Variants in SPTB observed in about 807,000 individuals in gnomAD.
The protein encoded by SPTB is spectrin beta chain, erythrocytic.
SPTB carries 45 observed loss-of-function variants against 256.2 expected under a neutral mutation model. That is an observed-to-expected ratio of 0.18 (90% CI 0.14 to 0.23). The LOEUF is 0.23. Ranked by LOEUF, SPTB falls within the 10% of genes least tolerant of loss-of-function variation. The pLI is 1.00. For missense variants in SPTB, 2,715 were observed against 3,040.4 expected (o/e 0.89, Z 2.52); for synonymous variants, 1,231 against 1,243.1 (o/e 0.99, Z 0.21).
At chr14:64,831,599 T>C (rs2083451830) in intron 1 of SPTB, among the ~76,000 whole-genome samples, 1 of 152,234 alleles carries the variant, frequency 6.6e-6, no homozygotes, top group Non-Finnish European at 1.5e-5. Context: ...GAGTGTGGAC[T>C]GGCCCAGCCA....
At chr14:64,834,438 T>C (rs1360360920) in intron 1 of SPTB, among the ~76,000 whole-genome samples, 1 of 151,838 alleles carries the variant, frequency 6.6e-6, no homozygotes, top group Non-Finnish European at 1.5e-5. Flanking sequence ...CTTTTTTTTT[T>C]TTTTTAGACA....
chr14:64,874,595 C>T (rs1377718086), intron 1 of SPTB, among the ~76,000 whole-genome samples: 1 of 152,210 alleles, frequency 6.6e-6, no homozygotes, highest in Non-Finnish European at 1.5e-5. Flanking sequence ...ATTGACCACT[C>T]CTAGGGTTCT....
rs1339698025 is a variant in SPTB, at chr14:64,785,352, A to G, written c.3855+185T>C. Among the ~76,000 whole-genome samples, 1 of 124,244 alleles carries G rather than the reference A, an allele frequency of 8.0e-6. No homozygotes were observed. Among genetic ancestry groups the G allele is most frequent in the Non-Finnish European group, 1.9e-5 (1 of 53,510 alleles). The allele number at this position is 124,244 out of a possible 152,430, so 81.5% of individuals were successfully genotyped here. A position where few individuals can be genotyped will look rare whatever the true frequency, so the allele number is the denominator to read the frequency against. ...GGTTAAGGATGACTTTTCAGATTTG[A>G]AAAAAAAAAAACAGTGCAACTGAAG... On this transcript the variant is annotated intron_variant, in intron 18 of 35. Coordinates refer to ENST00000644917, the MANE Select transcript of SPTB (RefSeq NM_001355436.2). The surrounding 1 kb of genome is among the most constrained non-coding windows in gnomAD (Gnocchi z 4.4).
At chr14:64,811,010 G>A (rs1015522697) in intron 2 of SPTB, among the ~76,000 whole-genome samples, 1 of 152,118 alleles carries the variant, frequency 6.6e-6, no homozygotes, top group Non-Finnish European at 1.5e-5. Flanking sequence ...TAGCTATTCA[G>A]GAGGCTGAGG....
intron 1 of SPTB, among the ~76,000 whole-genome samples, chr14:64,865,674 A>G (rs11628910): frequency 0.81 from 123,184 of 152,088 alleles, 51,363 homozygotes; most frequent in Non-Finnish European, 0.91. Flanking sequence ...TGGCTAGCCT[A>G]GATCCATGGA....
chr14:64,815,726 T>G (rs564997087), intron 2 of SPTB, among the ~76,000 whole-genome samples: 35 of 152,324 alleles, frequency 2.3e-4, no homozygotes, highest in Admixed American at 1.8e-3. Flanking sequence ...ATCAGTTCCC[T>G]TCCCCAAGCC....
chr14:64,861,735 G>A (rs894365909), intron 1 of SPTB, among the ~76,000 whole-genome samples: 2 of 152,096 alleles, frequency 1.3e-5, no homozygotes, highest in African/African-American at 4.8e-5. Flanking sequence ...CCTCGCCACG[G>A]CTTTCCTCTG....
Position 64,799,984 on chromosome 14 carries a change from C to T in SPTB, c.877-50G>A, listed in dbSNP as rs367545678. On this transcript the variant is annotated intron_variant, in intron 8 of 35. Transcript: ENST00000644917. ...TCTCATCAGAAGGGCAATGCCACCA[C>T]TGAGGATATCAATGAGGACCACAAT... is the stretch of plus-strand genomic sequence containing the variant. 3.1e-6 allele frequency: 5 copies of T among 1,600,334 alleles called. No individual in the cohort carries two copies. The African/African-American group carries it at 6.7e-5, about 21-fold the overall frequency.
intron 32 of SPTB, chr14:64,766,463 C>T (rs1379684389): frequency 7.0e-7 from 1 of 1,424,724 alleles, no homozygotes; most frequent in East Asian, 2.5e-5. Context: ...TTAGGTAAAA[C>T]AAAACTAATA....
rs1318342754 is a variant in SPTB, at chr14:64,775,293, G to A, written c.4674C>T (p.Arg1558=). ...AEIDCQDLEE[R]LGHLQSSWDR... is the part of the protein sequence containing the mutation. ...CCCAGGAGCTCTGCAGGTGCCCCAG[G>A]CGCTCCTCAAGGTCCTGGCAGTCGA... Residue 1558 remains arginine (R), a synonymous_variant, in exon 23 of 36, where the codon CGC becomes CGT. Transcript: ENST00000644917. This position sits in a 1 kb window ranked among gnomAD's most constrained non-coding sequence, Gnocchi z 5.0. The A allele has an allele frequency of 1.9e-6, 3 of 1,613,280 alleles. No individual in the cohort carries two copies. The highest frequency in any genetic ancestry group is 2.5e-6 in the Non-Finnish European group (3 of 1,179,776).
At chr14:64,850,212 C>T (rs1057254694) in intron 1 of SPTB, among the ~76,000 whole-genome samples, 1 of 152,178 alleles carries the variant, frequency 6.6e-6, no homozygotes, top group Non-Finnish European at 1.5e-5. Context: ...TACTAAGCAT[C>T]GGATGCCTTA....
At position 64,824,378 on chromosome 14, in the gene SPTB, AG is replaced by A. The variant is rs557521165; in HGVS notation, c.-51-1234del. On this transcript the variant is annotated intron_variant, in intron 1 of 35. Transcript: ENST00000644917. This position sits in a 1 kb window ranked among gnomAD's most constrained non-coding sequence, Gnocchi z 5.7. ...TTGAGAACTTTAAGAAGTAACGGGA[AG>A]GCAGGGGTGGAGTCAGGGGAGAAAA... Among the ~76,000 whole-genome samples the A allele has an allele frequency of 9.4e-4, 143 of 152,248 alleles. No individual in the cohort carries two copies. Among genetic ancestry groups the A allele is most frequent in the Admixed American group, 3.9e-3 (60 of 15,300 alleles).
intron 1 of SPTB, among the ~76,000 whole-genome samples, chr14:64,842,653 T>A (rs939320795): frequency 1.3e-5 from 2 of 152,256 alleles, no homozygotes; most frequent in Non-Finnish European, 2.9e-5. Flanking sequence ...TGAATCTGTG[T>A]GGTCTACAAA....
chr14:64,837,730 T>C (rs751495928), intron 1 of SPTB, among the ~76,000 whole-genome samples: 3 of 152,176 alleles, frequency 2.0e-5, no homozygotes, highest in Non-Finnish European at 4.4e-5. Context: ...GGCTCCCAAG[T>C]AGCAGAATTA....
At position 64,773,268 on chromosome 14, in the gene SPTB, C is replaced by T; in HGVS notation, c.5130G>A (p.Glu1710=). ...DDLEQWISEK[E]LVASSPEMGQ... ...CCATTTCCGGGGAAGAGGCCACTAG[C>T]TCCTTTTCTGAAATCCACTGCTCCA... Residue 1710 remains glutamate (E), a synonymous_variant, in exon 25 of 36, where the codon GAG becomes GAA. Coordinates refer to ENST00000644917, the MANE Select transcript of SPTB (RefSeq NM_001355436.2). The T allele has an allele frequency of 6.2e-7, 1 of 1,614,260 alleles. No homozygotes were observed.
rs375893423 is a variant in SPTB at position 64,772,825 on chromosome 14, C to T, written c.5308G>A (p.Glu1770Lys). The change falls in exon 26 of 36, where the codon GAG becomes AAG. Residue 1770 changes from glutamate to lysine, a missense_variant. Transcript: ENST00000644917. The surrounding 1 kb of genome is among the most constrained non-coding windows in gnomAD (Gnocchi z 5.4). ...ATCTCGTTCAGCCCGTCCTTCCACT[C>T]GGCGATGGTGGCCGCCTCGCTGTGG... ...AGHSEAATIA[E>K]WKDGLNEMWA... The T allele has an allele frequency of 5.0e-6, 8 of 1,613,852 alleles. No individual in the cohort carries two copies. The highest frequency in any genetic ancestry group is 1.1e-5 in the South Asian group (1 of 91,082).
intron 13 of SPTB, 69 bp downstream of exon 13, chr14:64,794,398 T>C (rs909277213): frequency 1.9e-6 from 3 of 1,587,400 alleles, no homozygotes; most frequent in Non-Finnish European, 1.7e-6. Flanking sequence ...TTATCCAAGT[T>C]GGGTTGTTAG....
rs772841996 is a variant in SPTB, at chr14:64,796,727, A to C, written c.1183-12T>G. 2.5e-6 allele frequency: 4 copies of C among 1,614,132 alleles called. No individual in the cohort carries two copies. Among genetic ancestry groups the C allele is most frequent in the Non-Finnish European group, 3.4e-6 (4 of 1,180,026 alleles). Reference sequence around the variant, plus strand: ...AGGCTTTCCCAGGCCTGCACAAAGGATGGAATGAGAATTCTTGGGGCACAG... The same window carrying C: ...AGGCTTTCCCAGGCCTGCACAAAGGCTGGAATGAGAATTCTTGGGGCACAG... On this transcript the variant is annotated splice_polypyrimidine_tract_variant and intron_variant, in intron 10 of 35. Transcript: ENST00000644917. The surrounding 1 kb of genome is among the most constrained non-coding windows in gnomAD (Gnocchi z 4.1).
Position 64,817,145 on chromosome 14 carries a change from A to G in SPTB, c.148+5802T>C, listed in dbSNP as rs1274066109. Reference sequence around the variant, plus strand: ...TTTTATCAAGAGTGGTAAGGGGACAATGGAAGGCATTATGTCCTGGGCAGG... The same window carrying G: ...TTTTATCAAGAGTGGTAAGGGGACAGTGGAAGGCATTATGTCCTGGGCAGG... On this transcript the variant is annotated intron_variant, in intron 2 of 35. Transcript: ENST00000644917. 1.3e-5 allele frequency among the ~76,000 whole-genome samples: 2 copies of G among 152,172 alleles called. 1 individual carries two copies. The highest frequency in any genetic ancestry group is 2.9e-5 in the Non-Finnish European group (2 of 68,034).
Sources: allele counts gnomAD v4.1 joint callset (sites outside exome capture counted in the v4.1 genomes callset), GRCh38; gene constraint gnomAD v4.1.1; non-coding constraint Gnocchi (gnomAD v3.1); transcripts MANE v1.5; gene names NCBI Gene and HGNC (gene_info 2026-07-23, HGNC 2026-07-21).